The following ATP11C variants were observed in gnomAD, a reference collection of about 807,000 sequenced individuals.
ATP11C encodes the protein ATPase phospholipid transporting 11C (ATP11C blood group), also known as phospholipid-transporting ATPase IG.
A neutral mutation model predicts 97.4 loss-of-function variants in ATP11C; 36 were observed. The ratio of observed to expected loss-of-function variants is 0.37; its 90% CI spans 0.28 to 0.49. The LOEUF is 0.49. Ranked by LOEUF, ATP11C falls within the 20% of genes least tolerant of loss-of-function variation. ATP11C has a pLI of 0.98. For missense variants in ATP11C, 730 were observed against 824.6 expected (o/e 0.89, Z 1.40); for synonymous variants, 275 against 290.9 (o/e 0.95, Z 0.56).
intron 23 of ATP11C, among the ~76,000 whole-genome samples, chrX:139,751,889 C>T (rs1407106242): frequency 2.7e-5 from 3 of 110,379 alleles, no homozygotes; most frequent in Non-Finnish European, 5.7e-5. Flanking sequence ...CTTCATAGTC[C>T]TCCTCGCAAG....
chrX:139,794,013 A>T (rs2082743949), intron 12 of ATP11C, among the ~76,000 whole-genome samples: 1 of 112,185 alleles, frequency 8.9e-6, no homozygotes, highest in Non-Finnish European at 1.9e-5. Context: ...ATAAAGTTCC[A>T]CCATTAGGCA....
intron 12 of ATP11C, among the ~76,000 whole-genome samples, chrX:139,792,544 C>T (rs960864379): frequency 9.0e-6 from 1 of 111,059 alleles, no homozygotes; most frequent in African/African-American, 3.3e-5. Context: ...ACTGAGCCCT[C>T]AACCTGTGAG....
In ATP11C at chrX:139,932,043, C is replaced by G; in HGVS notation, c.-1G>C. ...AACGATTCAAGCTCCGGCGGAACAT[C>G]GCGTCGAAGGCTGCCGGGCGCTGAG... On this transcript the variant is annotated 5_prime_UTR_variant, in exon 1 of 30. Transcript: ENST00000682941. 8.6e-7 allele frequency: 1 copy of G among 1,163,052 alleles called. No homozygotes were observed. Among genetic ancestry groups the G allele is most frequent in the Non-Finnish European group, 1.1e-6 (1 of 870,184 alleles).
chrX:139,823,008 G>A lies in ATP11C; in HGVS notation c.148-3581C>T, dbSNP rs766554216. Among the ~76,000 whole-genome samples the A allele has an allele frequency of 1.0e-4, 11 of 110,038 alleles. No homozygotes were observed. The South Asian group carries it at 3.6e-3, about 36-fold the overall frequency. On this transcript the variant is annotated intron_variant, in intron 2 of 29. Transcript: ENST00000682941. ...GAGGTGGGTGGATCACCTGCAGTCCGGAGTTCGAGACCAGCCTGGCCAACA... is the reference window on the plus strand; with the variant it reads ...GAGGTGGGTGGATCACCTGCAGTCCAGAGTTCGAGACCAGCCTGGCCAACA...
At chrX:139,874,867 T>C (rs1398580395) in intron 1 of ATP11C, among the ~76,000 whole-genome samples, 2 of 112,086 alleles carry the variant, frequency 1.8e-5, no homozygotes, top group Non-Finnish European at 3.8e-5. Context: ...CTGATTTATC[T>C]GGTCTTGATT....
In ATP11C at chrX:139,853,382, G is replaced by A. The variant is rs191782678; in HGVS notation, c.28-26559C>T. On this transcript the variant is annotated intron_variant, in intron 1 of 29. Coordinates refer to ENST00000682941, the MANE Select transcript of ATP11C (RefSeq NM_001353812.2). Reference sequence around the variant, plus strand: ...ACAGAGAGGGGAAGAAAGAGAGGGGGAAGAGAGAGAAGAGGCAAAGAGAGA... The same window carrying A: ...ACAGAGAGGGGAAGAAAGAGAGGGGAAAGAGAGAGAAGAGGCAAAGAGAGA... Among the ~76,000 whole-genome samples, 593 of 109,065 alleles carry A rather than the reference G, an allele frequency of 5.4e-3. 10 individuals carry two copies. Among genetic ancestry groups the A allele is most frequent in the African/African-American group, 0.018 (541 of 29,815 alleles). The allele number at this position is 109,065 out of a possible 115,157, so 94.7% of individuals were successfully genotyped here. A position where few individuals can be genotyped will look rare whatever the true frequency, so the allele number is the denominator to read the frequency against.
chrX:139,836,014 G>A (rs767658630), intron 1 of ATP11C, among the ~76,000 whole-genome samples: 14 of 66,324 alleles, frequency 2.1e-4, no homozygotes, highest in Non-Finnish European at 3.1e-4. Flanking sequence ...GTGACAGAGC[G>A]AGACTCCATC....
chrX:139,882,513 C>G (rs1219149318), intron 1 of ATP11C, among the ~76,000 whole-genome samples: 4 of 111,362 alleles, frequency 3.6e-5, no homozygotes, highest in Non-Finnish European at 5.6e-5. Context: ...AGCAGGGATA[C>G]CAAAGCAGAC....
At chrX:139,746,956 C>T (rs910011258) in intron 24 of ATP11C, among the ~76,000 whole-genome samples, 2 of 111,661 alleles carry the variant, frequency 1.8e-5, no homozygotes, top group African/African-American at 6.5e-5. Context: ...GCAACTAATC[C>T]TTGTTCAGTT....
intron 5 of ATP11C, among the ~76,000 whole-genome samples, chrX:139,806,567 CAA>C (rs936462373): frequency 9.0e-6 from 1 of 110,712 alleles, no homozygotes; most frequent in Non-Finnish European, 1.9e-5. Context: ...AAGAAGAAAA[CAA>C]CTAGATTTTT....
chrX:139,863,166 G>C (rs1293411722), intron 1 of ATP11C, among the ~76,000 whole-genome samples: 1 of 112,421 alleles, frequency 8.9e-6, no homozygotes, highest in Non-Finnish European at 1.9e-5. Context: ...TAATTTCAAA[G>C]TGATTTTATC....
chrX:139,803,270 T>C (rs926337916), intron 6 of ATP11C, among the ~76,000 whole-genome samples: 2 of 112,359 alleles, frequency 1.8e-5, no homozygotes, highest in African/African-American at 6.5e-5. Context: ...TTCCCTAAAT[T>C]ATAACTTTGT....
At chrX:139,818,862 G>C (rs1255858828) in intron 3 of ATP11C, among the ~76,000 whole-genome samples, 1 of 112,246 alleles carries the variant, frequency 8.9e-6, no homozygotes, top group Non-Finnish European at 1.9e-5. Flanking sequence ...ACAGTAGAAA[G>C]AATACAGAGA....
chrX:139,766,774 C>CT (rs764382908), intron 20 of ATP11C, among the ~76,000 whole-genome samples: 166 of 112,015 alleles, frequency 1.5e-3, no homozygotes, highest in Non-Finnish European at 2.6e-3. Flanking sequence ...AATGGAGACT[C>CT]TAAGTTTCCT....
intron 15 of ATP11C, among the ~76,000 whole-genome samples, 164 bp downstream of exon 15, chrX:139,787,009 T>C (rs1419789231): frequency 8.9e-6 from 1 of 112,167 alleles, no homozygotes; most frequent in African/African-American, 3.2e-5. Context: ...TGCAATTCTA[T>C]GTAACATGGC....
At chrX:139,753,531 G>A (rs1220798982) in intron 23 of ATP11C, among the ~76,000 whole-genome samples, 3 of 111,889 alleles carry the variant, frequency 2.7e-5, no homozygotes, top group Non-Finnish European at 5.6e-5. Flanking sequence ...AAAGAGGGCC[G>A]GGCACAGTGG....
intron 1 of ATP11C, among the ~76,000 whole-genome samples, chrX:139,876,984 G>A (rs1044647475): frequency 8.9e-6 from 1 of 112,635 alleles, no homozygotes; most frequent in Admixed American, 9.4e-5. Flanking sequence ...CAACCAAAGA[G>A]AGACTACAAT....
chrX:139,755,738 T>G (rs1383439742), intron 23 of ATP11C, among the ~76,000 whole-genome samples: 1 of 111,992 alleles, frequency 8.9e-6, no homozygotes, highest in African/African-American at 3.2e-5. Context: ...AGAATCCCTA[T>G]TCAATAAATG....
At chrX:139,845,479 T>C (rs2083894638) in intron 1 of ATP11C, among the ~76,000 whole-genome samples, 1 of 111,606 alleles carries the variant, frequency 9.0e-6, no homozygotes, top group African/African-American at 3.3e-5. Context: ...ATGTAGGGAG[T>C]GAAGCAGTGA....
Sources: allele counts gnomAD v4.1 joint callset (sites outside exome capture counted in the v4.1 genomes callset), GRCh38; gene constraint gnomAD v4.1.1; transcripts MANE v1.5; gene names NCBI Gene and HGNC (gene_info 2026-07-23, HGNC 2026-07-21).